The following ARHGAP32 variants were observed in gnomAD, a reference collection of about 807,000 sequenced individuals.
ARHGAP32 encodes rho GTPase-activating protein 32.
Under a neutral mutation model 186.5 loss-of-function variants are expected in ARHGAP32, and 51 were observed. The ratio of observed to expected loss-of-function variants is 0.27; its 90% CI spans 0.22 to 0.35. ARHGAP32 has a LOEUF of 0.35. Ranked by LOEUF, ARHGAP32 falls within the 10% of genes least tolerant of loss-of-function variation. The pLI, the probability that ARHGAP32 is intolerant of heterozygous loss-of-function variation, is 1.00. For synonymous variants in ARHGAP32, 950 were observed against 964.3 expected, an observed-to-expected ratio of 0.99 and a Z score of 0.27; for missense variants, 2,186 against 2,623.5, an observed-to-expected ratio of 0.83 and a Z score of 3.64.
chr11:129,145,326 A>T (rs939927221), intron 2 of ARHGAP32, among the ~76,000 whole-genome samples: 1 of 119,042 alleles, frequency 8.4e-6, no homozygotes, highest in African/African-American at 2.8e-5. Context: ...AAGATATATT[A>T]TAAATATAAA....
At chr11:129,222,219 T>C (rs957983833) in intron 1 of ARHGAP32, among the ~76,000 whole-genome samples, 2 of 152,072 alleles carry the variant, frequency 1.3e-5, no homozygotes, top group African/African-American at 4.8e-5. Flanking sequence ...AACCTAAGAG[T>C]TACAGAACCC....
At chr11:129,082,574 C>A (rs1438471284) in intron 6 of ARHGAP32, among the ~76,000 whole-genome samples, 2 of 152,108 alleles carry the variant, frequency 1.3e-5, no homozygotes, top group Non-Finnish European at 2.9e-5. Flanking sequence ...GGATCCTCAT[C>A]TCTCACCTTA....
At chr11:129,038,450 A>G (rs1309696213) in intron 11 of ARHGAP32, among the ~76,000 whole-genome samples, 1 of 152,086 alleles carries the variant, frequency 6.6e-6, no homozygotes, top group African/African-American at 2.4e-5. Context: ...ATAAATGACT[A>G]AAGAAACATC....
intron 1 of ARHGAP32, among the ~76,000 whole-genome samples, chr11:129,237,387 A>G (rs1488207780): frequency 6.6e-6 from 1 of 152,174 alleles, no homozygotes; most frequent in African/African-American, 2.4e-5. Context: ...TGATGAGAAA[A>G]CTTCAGAAAA....
intron 5 of ARHGAP32, among the ~76,000 whole-genome samples, chr11:129,110,674 C>G (rs1432206865): frequency 6.6e-6 from 1 of 151,988 alleles, no homozygotes; most frequent in Admixed American, 6.6e-5. Flanking sequence ...AAATTTATTC[C>G]TAGGTTTTTT....
intron 5 of ARHGAP32, among the ~76,000 whole-genome samples, chr11:129,119,045 A>G (rs770836172): frequency 6.6e-6 from 1 of 152,046 alleles, no homozygotes; most frequent in Non-Finnish European, 1.5e-5. Context: ...AAATAAGAAT[A>G]TGGCATGGTA....
intron 1 of ARHGAP32, among the ~76,000 whole-genome samples, chr11:129,180,580 A>G (rs1043177517): frequency 6.6e-6 from 1 of 152,162 alleles, no homozygotes; most frequent in African/African-American, 2.4e-5. Context: ...GGGCCATGCA[A>G]TGATGAACCA....
intron 11 of ARHGAP32, among the ~76,000 whole-genome samples, chr11:129,009,645 T>C (rs1324894077): frequency 6.6e-6 from 1 of 152,236 alleles, no homozygotes; most frequent in Non-Finnish European, 1.5e-5. Flanking sequence ...GCCCCAAACA[T>C]GTCCCTGCAA....
intron 18 of ARHGAP32, among the ~76,000 whole-genome samples, chr11:128,980,330 T>C (rs965917049): frequency 1.3e-5 from 2 of 152,254 alleles, no homozygotes; most frequent in Non-Finnish European, 2.9e-5. Context: ...ACCACTGATG[T>C]TCTTCTTTTA....
intron 2 of ARHGAP32, among the ~76,000 whole-genome samples, chr11:129,161,371 C>A (rs987990705): frequency 9.2e-5 from 14 of 151,978 alleles, no homozygotes; most frequent in African/African-American, 3.4e-4. Context: ...GAACAGGCAA[C>A]CTACAGAATG....
intron 1 of ARHGAP32, among the ~76,000 whole-genome samples, chr11:129,270,776 GAAGAA>G (rs1410579978): frequency 2.0e-5 from 3 of 150,964 alleles, no homozygotes; most frequent in Non-Finnish European, 4.4e-5. Flanking sequence ...AGTGAACAAA[GAAGAA>G]AAGAAGAGAG....
At chr11:129,207,460 G>A (rs1195766571) in intron 1 of ARHGAP32, among the ~76,000 whole-genome samples, 1 of 152,044 alleles carries the variant, frequency 6.6e-6, no homozygotes, top group African/African-American at 2.4e-5. Context: ...ATCTCACTGT[G>A]GTTTTGATTT....
intron 19 of ARHGAP32, 65 bp from the exon 20 acceptor site, chr11:128,976,699 G>T: frequency 1.4e-6 from 2 of 1,384,726 alleles, no homozygotes; most frequent in Non-Finnish European, 2.1e-6. Context: ...TAATGGGATC[G>T]GTGTTTTTCT....
chr11:129,064,277 T>C lies in ARHGAP32; in HGVS notation c.763-253A>G, dbSNP rs145331367. Reference sequence around the variant, plus strand: ...TCATTTAAAGGTGAGATGCTAAAGATGAAAGAGGCTATGTAATTTACAAGA... The same window carrying C: ...TCATTTAAAGGTGAGATGCTAAAGACGAAAGAGGCTATGTAATTTACAAGA... On this transcript the variant is annotated intron_variant, in intron 8 of 22. Transcript: ENST00000682385. Among the ~76,000 whole-genome samples the C allele has an allele frequency of 1.5e-3, 221 of 152,224 alleles. 1 individual carries two copies. Among genetic ancestry groups the C allele is most frequent in the African/African-American group, 4.9e-3 (204 of 41,532 alleles).
chr11:128,986,517 T>C lies in ARHGAP32; in HGVS notation c.1443+7A>G, dbSNP rs1158327643. ...AAGAATTAGATTCAAAAGTAGCCTG[T>C]ACTCACAGAAAATTTCTCATACAGC... is the stretch of plus-strand genomic sequence containing the variant. On this transcript the variant is annotated splice_region_variant and intron_variant, in intron 14 of 22. Transcript: ENST00000682385. The C allele has an allele frequency of 6.2e-7, 1 of 1,613,946 alleles. No homozygotes were observed. Among genetic ancestry groups the C allele is most frequent in the East Asian group, 2.2e-5 (1 of 44,876 alleles).
At chr11:129,177,400 C>G (rs1331707822) in intron 1 of ARHGAP32, among the ~76,000 whole-genome samples, 1 of 152,090 alleles carries the variant, frequency 6.6e-6, no homozygotes, top group African/African-American at 2.4e-5. Flanking sequence ...CTATTCCAGT[C>G]AATAAAAAAA....
intron 11 of ARHGAP32, among the ~76,000 whole-genome samples, chr11:129,008,679 AT>A (rs1742443990): frequency 6.6e-6 from 1 of 152,216 alleles, no homozygotes; most frequent in African/African-American, 2.4e-5. Context: ...ATTATTTTCT[AT>A]ACCACCTGTT....
intron 1 of ARHGAP32, among the ~76,000 whole-genome samples, chr11:129,212,760 T>C (rs1421915475): frequency 6.6e-6 from 1 of 152,204 alleles, no homozygotes; most frequent in Non-Finnish European, 1.5e-5. Flanking sequence ...CTTAAATATT[T>C]GTGATCCAAT....
intron 1 of ARHGAP32, among the ~76,000 whole-genome samples, chr11:129,258,316 G>C (rs1311512994): frequency 6.6e-6 from 1 of 152,134 alleles, no homozygotes; most frequent in Admixed American, 6.6e-5. Context: ...TTAACTTTCT[G>C]AATCTGTGAG....
Sources: allele counts gnomAD v4.1 joint callset (sites outside exome capture counted in the v4.1 genomes callset), GRCh38; gene constraint gnomAD v4.1.1; transcripts MANE v1.5; gene names NCBI Gene and HGNC (gene_info 2026-07-23, HGNC 2026-07-21).